UQCR11: variants seen among roughly 807,000 people sequenced by gnomAD.
The protein encoded by UQCR11 is cytochrome b-c1 complex subunit 10.
UQCR11 carries 10 observed loss-of-function variants against 7.6 expected under a neutral mutation model. That is an observed-to-expected ratio of 1.31 (90% CI 0.81 to 2.22). The LOEUF (loss-of-function observed/expected upper bound fraction) is 2.22. Ranked by LOEUF, UQCR11 falls within the 30% of genes most tolerant of loss-of-function variation. The pLI is 0.00. For synonymous variants in UQCR11, 34 were observed against 34.9 expected (o/e 0.97, Z 0.09); for missense variants, 86 against 75.1 (o/e 1.15, Z -0.54).
chr19:1,605,365 C>G lies in UQCR11; in HGVS notation c.45G>C (p.Lys15Asn), dbSNP rs773767691. 1 of 1,581,896 alleles carries G rather than the reference C, an allele frequency of 6.3e-7. No individual in the cohort carries two copies. Among genetic ancestry groups the G allele is most frequent in the African/African-American group, 1.4e-5 (1 of 71,622 alleles). Residue 15 changes from lysine (K) to asparagine (N), a missense_variant, in exon 1 of 3, where the codon AAG (lysine) becomes AAC (asparagine). Coordinates refer to ENST00000591899, the MANE Select transcript of UQCR11 (RefSeq NM_006830.4). ...CCGCGGGTCGGCGTCCTCACCAGTT[C>G]TTGACCAGCTCCCGGTAGCGTGGGC... ...FLGPRYRELV[K>N]NWVPTAYTWG...
At chr19:1,599,910 G>T (rs899329133) in intron 1 of UQCR11, among the ~76,000 whole-genome samples, 7 of 152,280 alleles carry the variant, frequency 4.6e-5, no homozygotes, top group African/African-American at 1.7e-4. Context: ...CACAGCTGCA[G>T]GACTCAGGCA....
At chr19:1,605,225 T>C in intron 1 of UQCR11, 135 bp downstream of exon 1, 1 of 1,109,126 alleles carries the variant, frequency 9.0e-7, no homozygotes, top group Admixed American at 3.6e-5. Context: ...AGTTTCCCCC[T>C]CTGTCACCGG....
At chr19:1,603,931 C>T (rs2060754415) in intron 1 of UQCR11, among the ~76,000 whole-genome samples, 1 of 152,204 alleles carries the variant, frequency 6.6e-6, no homozygotes, top group Non-Finnish European at 1.5e-5. Context: ...GGAGACACTG[C>T]CAATCATAAG....
At position 1,603,151 on chromosome 19, in the gene UQCR11, C is replaced by T. The variant is rs894590126; in HGVS notation, c.50+2209G>A. Among the ~76,000 whole-genome samples the T allele has an allele frequency of 5.1e-4, 77 of 152,332 alleles. 2 individuals carry two copies. Among genetic ancestry groups the T allele is most frequent in the Non-Finnish European group, 1.0e-3 (68 of 68,038 alleles). On this transcript the variant is annotated intron_variant, in intron 1 of 2. Transcript: ENST00000591899. ...GGTGGCACAGCCCTGCACGGCCCCT[C>T]GCACGCACGTGTCTGCACCCCTTCC...
At chr19:1,605,311 GC>G (rs1378059196) in intron 1 of UQCR11, 48 bp downstream of exon 1, 3 of 1,537,760 alleles carry the variant, frequency 2.0e-6, no homozygotes, top group Non-Finnish European at 2.6e-6. Context: ...GCGGCGCGGG[GC>G]TGGGCCGAGG....
At chr19:1,601,551 A>C (rs1213674375) in intron 1 of UQCR11, among the ~76,000 whole-genome samples, 2 of 147,286 alleles carry the variant, frequency 1.4e-5, no homozygotes, top group African/African-American at 5.0e-5. Flanking sequence ...CAGTGAGCTT[A>C]GATCATGCCA....
At chr19:1,598,674 G>A (rs1004680570) in intron 2 of UQCR11, among the ~76,000 whole-genome samples, 2 of 152,204 alleles carry the variant, frequency 1.3e-5, no homozygotes, top group African/African-American at 4.8e-5. Flanking sequence ...TCGCGCCACC[G>A]TATTCCAGTC....
In UQCR11 at chr19:1,599,570, G is replaced by T; in HGVS notation, c.51-10C>A. 1 of 1,606,682 alleles carries T rather than the reference G, an allele frequency of 6.2e-7. No homozygotes were observed. Among genetic ancestry groups the T allele is most frequent in the African/African-American group, 1.3e-5 (1 of 75,068 alleles). On this transcript the variant is annotated splice_polypyrimidine_tract_variant and intron_variant, in intron 1 of 2. Transcript: ENST00000591899. ...GTAGGCCGTCGGGACCCTGCGAGAGGAGAGGGGATGGTCAGGCCTGCTCTG... is the reference window on the plus strand; with the variant it reads ...GTAGGCCGTCGGGACCCTGCGAGAGTAGAGGGGATGGTCAGGCCTGCTCTG...
intron 1 of UQCR11, among the ~76,000 whole-genome samples, chr19:1,604,200 C>G (rs2060755245): frequency 6.6e-6 from 1 of 152,206 alleles, no homozygotes; most frequent in Non-Finnish European, 1.5e-5. Context: ...CCGCCTTGGC[C>G]TCCCAAAGTG....
chr19:1,599,304 G>C (rs1461609398), intron 2 of UQCR11, 108 bp downstream of exon 2: 23 of 1,443,116 alleles, frequency 1.6e-5, no homozygotes, highest in East Asian at 6.9e-5. Context: ...GTCTCTCCAG[G>C]GGGAGCAGTG....
intron 1 of UQCR11, among the ~76,000 whole-genome samples, chr19:1,603,732 C>T (rs1011335951): frequency 6.6e-6 from 1 of 152,364 alleles, no homozygotes; most frequent in Non-Finnish European, 1.5e-5. Flanking sequence ...AGGGGCTGCA[C>T]TGGCTACCAT....
intron 1 of UQCR11, among the ~76,000 whole-genome samples, chr19:1,600,036 T>C (rs887390): frequency 0.97 from 147,929 of 152,316 alleles, 71,858 homozygotes; most frequent in East Asian, 1. Flanking sequence ...TCCAAGCTCA[T>C]GCTCTTGCCC....
At chr19:1,605,283 G>T (rs1045599279) in intron 1 of UQCR11, 77 bp downstream of exon 1, 3 of 1,456,194 alleles carry the variant, frequency 2.1e-6, no homozygotes, top group Admixed American at 5.8e-5. Flanking sequence ...CCGGAAACGC[G>T]CACAAATACG....
At chr19:1,603,661 C>T (rs984529961) in intron 1 of UQCR11, among the ~76,000 whole-genome samples, 5 of 152,156 alleles carry the variant, frequency 3.3e-5, no homozygotes, top group African/African-American at 4.8e-5. Flanking sequence ...GATGAAAGCA[C>T]GGATGACGGG....
chr19:1,601,706 C>T (rs935246455), intron 1 of UQCR11, among the ~76,000 whole-genome samples: 2 of 152,106 alleles, frequency 1.3e-5, no homozygotes, highest in Non-Finnish European at 2.9e-5. Flanking sequence ...ACTGCAGCCT[C>T]ACAAGAGAGC....
intron 2 of UQCR11, 126 bp downstream of exon 2, chr19:1,599,286 G>A (rs963618420): frequency 1.6e-5 from 21 of 1,314,864 alleles, no homozygotes; most frequent in South Asian, 4.2e-5. Context: ...CCCCACTCTC[G>A]AATGCAGGTC....
At chr19:1,604,050 A>T (rs745326512) in intron 1 of UQCR11, among the ~76,000 whole-genome samples, 1 of 152,074 alleles carries the variant, frequency 6.6e-6, no homozygotes, top group African/African-American at 2.4e-5. Flanking sequence ...GGTTTGAGCG[A>T]TTCTCCTGCC....
intron 1 of UQCR11, among the ~76,000 whole-genome samples, chr19:1,603,034 C>T (rs2060751689): frequency 6.6e-6 from 1 of 152,168 alleles, no homozygotes; most frequent in African/African-American, 2.4e-5. Context: ...GAACTGTGGC[C>T]CTCTCAGTCC....
At chr19:1,601,407 C>T (rs1249020299) in intron 1 of UQCR11, among the ~76,000 whole-genome samples, 2 of 151,960 alleles carry the variant, frequency 1.3e-5, no homozygotes, top group African/African-American at 4.8e-5. Flanking sequence ...TAGGGACCAT[C>T]CTGGCTAACA....
Sources: gnomAD v4.1 joint callset for allele counts (sites outside exome capture counted in the v4.1 genomes callset) on GRCh38, gnomAD v4.1.1 for gene constraint, MANE v1.5 for transcripts, NCBI Gene and HGNC (gene_info 2026-07-23, HGNC 2026-07-21) for gene names.